NCAPG: variants seen among roughly 807,000 people sequenced by gnomAD.
The protein encoded by NCAPG is condensin complex subunit 3.
NCAPG carries 69 observed loss-of-function variants against 113.1 expected under a neutral mutation model. The ratio of observed to expected loss-of-function variants is 0.61; its 90% CI spans 0.50 to 0.75. The LOEUF is 0.75. NCAPG is among the 30% of genes least tolerant of loss of function. The pLI is 0.00. For synonymous variants in NCAPG, 370 were observed against 415.8 expected (o/e 0.89, Z 1.34); for missense variants, 1,058 against 1,177.0 (o/e 0.90, Z 1.48).
chr4:17,837,932 G>A (rs565423262), intron 16 of NCAPG, 131 bp downstream of exon 16: 14 of 894,958 alleles, frequency 1.6e-5, no homozygotes, highest in African/African-American at 1.0e-4. Flanking sequence ...CACAAAGCAC[G>A]AAAGAAACAT....
At chr4:17,842,487 A>G in intron 20 of NCAPG, 108 bp downstream of exon 20, 2 of 848,000 alleles carry the variant, frequency 2.4e-6, no homozygotes, top group Non-Finnish European at 1.9e-6. Context: ...ATAACAAGAT[A>G]GTGAAAACTA....
Position 17,811,710 on chromosome 4 carries a change from GTTTGT to G in NCAPG, c.112-506_112-502del, listed in dbSNP as rs1167517282. On this transcript the variant is annotated intron_variant, in intron 1 of 20. Transcript: ENST00000251496. This position sits in a 1 kb window ranked among gnomAD's most constrained non-coding sequence, Gnocchi z 5.3. ...ATTCTTATTTATGTACATACTATTTGTTTGTTTTGAGTGGAACCTTGAGAAGAATA... is the reference window on the plus strand; with the variant it reads ...ATTCTTATTTATGTACATACTATTTGTTTGAGTGGAACCTTGAGAAGAATA... 6.6e-6 allele frequency among the ~76,000 whole-genome samples: 1 copy of G among 152,128 alleles called. No individual in the cohort carries two copies. Among genetic ancestry groups the G allele is most frequent in the Non-Finnish European group, 1.5e-5 (1 of 67,996 alleles).
chr4:17,827,588 T>C (rs778350873), intron 11 of NCAPG, among the ~76,000 whole-genome samples: 5 of 152,086 alleles, frequency 3.3e-5, no homozygotes, highest in Non-Finnish European at 7.4e-5. Context: ...AGTATGAAGA[T>C]AGAGAACAAG....
intron 7 of NCAPG, 75 bp downstream of exon 7, chr4:17,818,163 A>G: frequency 6.9e-7 from 1 of 1,450,874 alleles, no homozygotes; most frequent in Non-Finnish European, 9.2e-7. Context: ...CCTTCCTCAA[A>G]GTCATGTTTG....
chr4:17,818,722 C>T (rs1287645362), intron 7 of NCAPG, among the ~76,000 whole-genome samples: 1 of 152,148 alleles, frequency 6.6e-6, no homozygotes, highest in Non-Finnish European at 1.5e-5. Context: ...TTATTAAAAA[C>T]TTACTATCTA....
intron 15 of NCAPG, 129 bp from the exon 16 acceptor site, chr4:17,837,498 A>G (rs1722150435): frequency 2.4e-6 from 3 of 1,268,508 alleles, no homozygotes; most frequent in Non-Finnish European, 3.3e-6. Flanking sequence ...ATCTATCTGA[A>G]TTTTTGGCTC....
At chr4:17,826,826 TA>T (rs1034994327) in intron 11 of NCAPG, among the ~76,000 whole-genome samples, 5 of 152,320 alleles carry the variant, frequency 3.3e-5, no homozygotes, top group African/African-American at 1.2e-4. Context: ...GAGATTAGAA[TA>T]AAAATAACAA....
In NCAPG at chr4:17,844,563, GTAA is replaced by G. The variant is rs892363965; in HGVS notation, c.*1140_*1142del. On this transcript the variant is annotated 3_prime_UTR_variant, in exon 21 of 21. Transcript: ENST00000251496. ...TAGTTATTAAGCAAAAGGAAAAATG[GTAA>G]TGATAGAAAGTCAGTTAAAAATAGA... 6.6e-6 allele frequency: 1 copy of G among 152,368 alleles called. No individual in the cohort carries two copies. The highest frequency in any genetic ancestry group is 1.5e-5 in the Non-Finnish European group (1 of 67,846). The allele number at this position is 152,368 out of a possible 1,614,324, so 9.4% of individuals were successfully genotyped here.
rs751157355 is a variant in NCAPG at position 17,812,276 on chromosome 4, T to C, written c.167T>C (p.Met56Thr). 22 of 1,613,760 alleles carry C rather than the reference T, an allele frequency of 1.4e-5. No individual in the cohort carries two copies. In the South Asian group the frequency reaches 2.0e-4, roughly 15 times the overall value. ...EEFIHYLKYV[M>T]VVYKREPAVE... is the part of the protein sequence containing the mutation. ...TTCATTCATTACCTTAAATATGTTATGGTGGTCTATAAACGTGAACCAGCT... is the reference window on the plus strand; with the variant it reads ...TTCATTCATTACCTTAAATATGTTACGGTGGTCTATAAACGTGAACCAGCT... The change falls in exon 2 of 21, where the codon ATG becomes ACG. Residue 56 changes from methionine (M) to threonine (T), a missense_variant. Transcript: ENST00000251496.
At chr4:17,830,923 C>A in intron 12 of NCAPG, 74 bp from the exon 13 acceptor site, 3 of 1,450,858 alleles carry the variant, frequency 2.1e-6, no homozygotes, top group Admixed American at 4.0e-5. Context: ...AAAAATGACA[C>A]CTTTGAGGTA....
In NCAPG at chr4:17,811,806, G is replaced by A. The variant is rs1577329535; in HGVS notation, c.112-415G>A. Among the ~76,000 whole-genome samples the A allele has an allele frequency of 6.6e-6, 1 of 152,182 alleles. No homozygotes were observed. Among genetic ancestry groups the A allele is most frequent in the African/African-American group, 2.4e-5 (1 of 41,432 alleles). On this transcript the variant is annotated intron_variant, in intron 1 of 20. Coordinates refer to ENST00000251496, the MANE Select transcript of NCAPG (RefSeq NM_022346.5). The surrounding 1 kb of genome is among the most constrained non-coding windows in gnomAD (Gnocchi z 5.3). Reference sequence around the variant, plus strand: ...AGAAAAATTGTGAGTAAACATCACAGGGCTTTGAGGATATGAGATAGGATG... The same window carrying A: ...AGAAAAATTGTGAGTAAACATCACAAGGCTTTGAGGATATGAGATAGGATG...
Position 17,840,665 on chromosome 4 carries a change from A to G in NCAPG, c.2826A>G (p.Ser942=). The part of the protein sequence containing the change: ...PLRGVKATQA[S]KSTQLKTNRG... ...GGGGTGTAAAAGCAACCCAAGCATC[A>G]AAGTCTACTCAGCTAAAGACTAACA... The change falls in exon 19 of 21, where the codon TCA becomes TCG. Residue 942 remains serine (S), a synonymous_variant. Coordinates refer to ENST00000251496, the MANE Select transcript of NCAPG (RefSeq NM_022346.5). The G allele has an allele frequency of 6.4e-7, 1 of 1,558,040 alleles. No homozygotes were observed. Among genetic ancestry groups the G allele is most frequent in the African/African-American group, 1.4e-5 (1 of 72,304 alleles).
At chr4:17,832,694 C>T (rs1261344737) in intron 13 of NCAPG, among the ~76,000 whole-genome samples, 1 of 151,922 alleles carries the variant, frequency 6.6e-6, no homozygotes, top group Non-Finnish European at 1.5e-5. Context: ...AGGATGTTGC[C>T]TGAGGAATGA....
rs750181049 is a variant in NCAPG at position 17,840,603 on chromosome 4, A to G, written c.2768-4A>G. ...TTATATTGTTGTATTATTCCCTTTAATAGAAAAGAATAAAGAAGTATATAT... is the reference window on the plus strand; with the variant it reads ...TTATATTGTTGTATTATTCCCTTTAGTAGAAAAGAATAAAGAAGTATATAT... On this transcript the variant is annotated splice_polypyrimidine_tract_variant and splice_region_variant and intron_variant, in intron 18 of 20. Transcript: ENST00000251496. 2.0e-5 allele frequency: 29 copies of G among 1,439,482 alleles called. No homozygotes were observed. Among genetic ancestry groups the G allele is most frequent in the Non-Finnish European group, 2.6e-5 (28 of 1,083,494 alleles). The allele number at this position is 1,439,482 out of a possible 1,614,324, so 89.2% of individuals were successfully genotyped here. A position where few individuals can be genotyped will look rare whatever the true frequency, so the allele number is the denominator to read the frequency against.
At chr4:17,825,668 C>T (rs965653397) in intron 11 of NCAPG, 107 bp downstream of exon 11, 1 of 1,003,068 alleles carries the variant, frequency 1.0e-6, no homozygotes, top group East Asian at 2.7e-5. Context: ...ACTTTGAGCA[C>T]TTTGTAATAG....
chr4:17,813,493 TAGC>T lies in NCAPG; in HGVS notation c.544+352_544+354del, dbSNP rs142192774. 9.3e-5 allele frequency: 15 copies of T among 161,118 alleles called. No individual in the cohort carries two copies. In the East Asian group the frequency reaches 2.6e-3, roughly 28 times the overall value. 10.0% of individuals were successfully genotyped at this position (161,118 alleles called of 1,614,324 possible). A position where few individuals can be genotyped will look rare whatever the true frequency, so the allele number is the denominator to read the frequency against. On this transcript the variant is annotated intron_variant, in intron 3 of 20. Transcript: ENST00000251496. ...GTAAATCATGCTGTATGTATATATT[TAGC>T]AGCCAATTATATTTCTATATAATAC...
chr4:17,827,195 G>A (rs1474831137), intron 11 of NCAPG, among the ~76,000 whole-genome samples: 1 of 152,208 alleles, frequency 6.6e-6, no homozygotes, highest in Non-Finnish European at 1.5e-5. Context: ...AGAATTGATG[G>A]GGAGAAGCAG....
intron 12 of NCAPG, among the ~76,000 whole-genome samples, chr4:17,829,452 C>T (rs1721782125): frequency 6.6e-6 from 1 of 152,144 alleles, no homozygotes; most frequent in South Asian, 2.1e-4. Flanking sequence ...AAGCAGTTAT[C>T]TTTAGTGAAA....
At chr4:17,840,046 A>C (rs200761113) in intron 17 of NCAPG, 25 bp from the exon 18 acceptor site, 2 of 1,585,544 alleles carry the variant, frequency 1.3e-6, no homozygotes, top group Non-Finnish European at 1.7e-6. Context: ...TGTTTACAAA[A>C]TGTTAATAAT....
Sources: gnomAD v4.1 joint callset for allele counts (sites outside exome capture counted in the v4.1 genomes callset) on GRCh38, gnomAD v4.1.1 for gene constraint, Gnocchi (gnomAD v3.1) non-coding constraint, MANE v1.5 for transcripts, NCBI Gene and HGNC (gene_info 2026-07-23, HGNC 2026-07-21) for gene names.